The following AQR variants were observed in gnomAD, a reference collection of about 807,000 sequenced individuals.
AQR encodes aquarius intron-binding spliceosomal factor, also known as RNA helicase aquarius.
A neutral mutation model predicts 180.5 loss-of-function variants in AQR; 61 were observed. That is an observed-to-expected ratio of 0.34 (90% CI 0.28 to 0.42). The LOEUF (loss-of-function observed/expected upper bound fraction) is 0.42, where lower values mean the gene tolerates loss of function less well. AQR is among the 10% of genes least tolerant of loss of function. The pLI is 1.00. For synonymous variants in AQR, 551 were observed against 588.8 expected (o/e 0.94, Z 0.93); for missense variants, 1,281 against 1,798.3 (o/e 0.71, Z 5.20).
rs1269019016 is a variant in AQR, at chr15:34,932,429, C to G, written c.789G>C (p.Leu263=). Residue 263 remains leucine (L), a synonymous_variant, in exon 11 of 35, where the codon CTG becomes CTC. Transcript: ENST00000156471. The part of the protein sequence containing the change: ...FIELMIDLEA[L]LPTRRWFNTI... ...TATTAAACCAGCGCCTTGTGGGTAG[C>G]AGGGCCTGGGAAAAACAAACATCAT... The G allele has an allele frequency of 1.3e-6, 2 of 1,587,290 alleles. No homozygotes were observed. The highest frequency in any genetic ancestry group is 1.4e-5 in the African/African-American group (1 of 73,304).
At chr15:34,878,384 T>TC (rs1439892985) in intron 27 of AQR, among the ~76,000 whole-genome samples, 768 of 46,282 alleles carry the variant, frequency 0.017, 10 homozygotes, top group African/African-American at 0.039. Flanking sequence ...AGACTCTGTC[T>TC]CAAAAAAAAA....
Position 34,969,679 on chromosome 15 carries a change from C to T in AQR, c.-66G>A. On this transcript the variant is annotated 5_prime_UTR_variant, in exon 1 of 35. Transcript: ENST00000156471. ...CGCTCTGGGCAGCGGCAACCCTGGT[C>T]CACTTCCCTTAAGTTACTGCCGGGG... 1 of 1,532,004 alleles carries T rather than the reference C, an allele frequency of 6.5e-7. No individual in the cohort carries two copies. Among genetic ancestry groups the T allele is most frequent in the Admixed American group, 2.0e-5 (1 of 51,264 alleles). The allele number at this position is 1,532,004 out of a possible 1,614,324, so 94.9% of individuals were successfully genotyped here. A position where few individuals can be genotyped will look rare whatever the true frequency, so the allele number is the denominator to read the frequency against.
At chr15:34,954,340 C>G (rs1478658752) in intron 3 of AQR, among the ~76,000 whole-genome samples, 1 of 151,850 alleles carries the variant, frequency 6.6e-6, no homozygotes, top group Admixed American at 6.6e-5. Context: ...AGAGCTTGCT[C>G]TATTGCCCAG....
intron 23 of AQR, 103 bp downstream of exon 23, chr15:34,893,560 C>A: frequency 1.1e-6 from 1 of 920,092 alleles, no homozygotes; most frequent in Non-Finnish European, 1.7e-6. Flanking sequence ...CCACACTTAC[C>A]TCCCCCTCAA....
intron 33 of AQR, among the ~76,000 whole-genome samples, chr15:34,860,506 T>G (rs1054355936): frequency 6.6e-6 from 1 of 152,052 alleles, no homozygotes; most frequent in Non-Finnish European, 1.5e-5. Flanking sequence ...TTTAATATAA[T>G]TTTGGGCTGG....
chr15:34,941,014 T>C lies in AQR; in HGVS notation c.541-15A>G. 1 of 1,541,664 alleles carries C rather than the reference T, an allele frequency of 6.5e-7. No individual in the cohort carries two copies. The highest frequency in any genetic ancestry group is 8.9e-7 in the Non-Finnish European group (1 of 1,126,248). On this transcript the variant is annotated splice_polypyrimidine_tract_variant and intron_variant, in intron 7 of 34. Transcript: ENST00000156471. ...TCCAATCGTGCCTGAAGAAGAGATG[T>C]GTTATTAAATTACCAGTAGCCTCAA...
chr15:34,863,503 C>T (rs1892699285), intron 32 of AQR, among the ~76,000 whole-genome samples: 1 of 152,064 alleles, frequency 6.6e-6, no homozygotes. Context: ...TATGGAAATA[C>T]AGTATGATGT....
intron 5 of AQR, 107 bp from the exon 6 acceptor site, chr15:34,944,535 CA>C: frequency 8.8e-7 from 1 of 1,131,758 alleles, no homozygotes; most frequent in South Asian, 1.9e-5. Flanking sequence ...CAAATAATTA[CA>C]AAAGGGTTAT....
intron 10 of AQR, among the ~76,000 whole-genome samples, chr15:34,933,187 A>G (rs1385510289): frequency 1.3e-5 from 2 of 152,160 alleles, no homozygotes; most frequent in East Asian, 3.9e-4. Flanking sequence ...ATCTAATCAA[A>G]TATCCTCATT....
chr15:34,861,405 G>T (rs1892669875), intron 33 of AQR, among the ~76,000 whole-genome samples: 1 of 152,134 alleles, frequency 6.6e-6, no homozygotes. Context: ...AGCACTCTCC[G>T]CCCCTCACTA....
chr15:34,951,667 CAA>C (rs35929298), intron 4 of AQR, among the ~76,000 whole-genome samples: 66 of 74,818 alleles, frequency 8.8e-4, no homozygotes, highest in African/African-American at 1.8e-3. Flanking sequence ...GAGACTGTCT[CAA>C]AAAAAAAAAA....
intron 8 of AQR, among the ~76,000 whole-genome samples, chr15:34,939,241 G>GT (rs752125952): frequency 6.6e-6 from 1 of 152,086 alleles, no homozygotes; most frequent in Non-Finnish European, 1.5e-5. Context: ...GCTAATTTTT[G>GT]TATTTTCAGT....
Position 34,900,771 on chromosome 15 carries a change from AC to A in AQR, c.2093del (p.Ser698IlefsTer27). 1 of 1,614,174 alleles carries A rather than the reference AC, an allele frequency of 6.2e-7. No individual in the cohort carries two copies. Among genetic ancestry groups the A allele is most frequent in the Non-Finnish European group, 8.5e-7 (1 of 1,180,008 alleles). On this transcript the variant is annotated frameshift_variant, in exon 20 of 35. Transcript: ENST00000156471. LOFTEE classifies it high-confidence loss of function. ...TGGGCATTTTCGAATAATGTGCACT[AC>A]TTGGGTCCCCATAACCTAAAATGAT... ...HDIILGYGDPSSAHYSKMPNQ... is the reference protein window; with the variant it reads ...HDIILGYGDPXSAHYSKMPNQ...
intron 20 of AQR, among the ~76,000 whole-genome samples, chr15:34,898,611 C>T (rs1283389191): frequency 1.3e-5 from 2 of 152,210 alleles, no homozygotes; most frequent in East Asian, 1.9e-4. Flanking sequence ...CTCGGCCAGG[C>T]GCGTTGGCTC....
intron 1 of AQR, among the ~76,000 whole-genome samples, chr15:34,965,637 C>T (rs1404447180): frequency 6.6e-6 from 1 of 152,148 alleles, no homozygotes; most frequent in African/African-American, 2.4e-5. Context: ...AGCCACTGCA[C>T]TCCAGCCTGG....
chr15:34,941,490 C>T (rs1894021533), intron 7 of AQR, among the ~76,000 whole-genome samples: 1 of 152,158 alleles, frequency 6.6e-6, no homozygotes, highest in South Asian at 2.1e-4. Flanking sequence ...AATGAGTCTG[C>T]ATATCTGAGT....
At position 34,932,395 on chromosome 15, in the gene AQR, C is replaced by G; in HGVS notation, c.823G>C (p.Asp275His). The stretch of plus-strand genomic sequence containing the variant: ...CAGTGAACCAGAAGGTGGGAATCAT[C>G]CAGGATGGTATTAAACCAGCGCCTT... ...PTRRWFNTIL[D>H]DSHLLVHCYL... The change falls in exon 11 of 35, where the codon GAT (aspartate) becomes CAT (histidine). Residue 275 changes from aspartate to histidine, a missense_variant. Asp to His is a moderately conservative substitution (Grantham distance 81). Coordinates refer to ENST00000156471, the MANE Select transcript of AQR (RefSeq NM_014691.3). 5 of 1,611,940 alleles carry G rather than the reference C, an allele frequency of 3.1e-6. No individual in the cohort carries two copies. Among genetic ancestry groups the G allele is most frequent in the Non-Finnish European group, 4.2e-6 (5 of 1,179,298 alleles).
Position 34,944,440 on chromosome 15 carries a change from C to A in AQR, c.331-12G>T. ...TTCTTCTTAAAAATCTGAAAAGAAA[C>A]AGAATAAAATTCATTTTGTATTGGC... On this transcript the variant is annotated splice_polypyrimidine_tract_variant and intron_variant, in intron 5 of 34. Coordinates refer to ENST00000156471, the MANE Select transcript of AQR (RefSeq NM_014691.3). 2 of 1,587,646 alleles carry A rather than the reference C, an allele frequency of 1.3e-6. No individual in the cohort carries two copies. Among genetic ancestry groups the A allele is most frequent in the Non-Finnish European group, 8.5e-7 (1 of 1,171,186 alleles).
At chr15:34,934,711 TATTTA>T in intron 9 of AQR, 76 bp from the exon 10 acceptor site, 1 of 923,342 alleles carries the variant, frequency 1.1e-6, no homozygotes, top group South Asian at 1.9e-5. Context: ...AACTGGCAGT[TATTTA>T]ATAACTTAAA....
Sources: gnomAD v4.1 joint callset for allele counts (sites outside exome capture counted in the v4.1 genomes callset) on GRCh38, gnomAD v4.1.1 for gene constraint, MANE v1.5 for transcripts, NCBI Gene and HGNC (gene_info 2026-07-23, HGNC 2026-07-21) for gene names.